The following HK2 variants were observed in gnomAD, a reference collection of about 807,000 sequenced individuals.
The protein encoded by HK2 is hexokinase 2.
In HK2, 42 loss-of-function variants were observed where a neutral mutation model predicts 92.9. That is an observed-to-expected ratio of 0.45 (90% CI 0.35 to 0.58). The LOEUF is 0.58. Ranked by LOEUF, HK2 falls within the 20% of genes least tolerant of loss-of-function variation. The pLI, the probability that HK2 is intolerant of heterozygous loss-of-function variation, is 0.00. For synonymous variants in HK2, 422 were observed against 468.0 expected, an observed-to-expected ratio of 0.90 and a Z score of 1.27; for missense variants, 978 against 1,245.1, an observed-to-expected ratio of 0.79 and a Z score of 3.23.
chr2:74,884,000 C>T (rs1401350417), intron 12 of HK2, among the ~76,000 whole-genome samples: 1 of 152,108 alleles, frequency 6.6e-6, no homozygotes, highest in Admixed American at 6.5e-5. Flanking sequence ...ACATAAAATA[C>T]AATTAATGGG....
chr2:74,872,209 C>A, intron 3 of HK2, 91 bp from the exon 4 acceptor site: 1 of 1,339,912 alleles, frequency 7.5e-7, no homozygotes, highest in Non-Finnish European at 1.1e-6. Context: ...TGCACACATT[C>A]AGCTAGTTAC....
chr2:74,877,385 A>G (rs1324856249), intron 8 of HK2, 64 bp downstream of exon 8: 1 of 1,573,620 alleles, frequency 6.4e-7, no homozygotes, highest in Admixed American at 1.7e-5. Context: ...GTAGTTGGGG[A>G]ATGAGGAGGG....
chr2:74,872,386 C>G lies in HK2; in HGVS notation c.462C>G (p.Phe154Leu). ...AGAAGCTCCCACTGGGTTTTACCTT[C>G]TCGTTCCCCTGCCACCAGACTAAAC... ...KDKKLPLGFTFSFPCHQTKLD... is the reference protein window; with the variant it reads ...KDKKLPLGFTLSFPCHQTKLD... Residue 154 changes from phenylalanine (F) to leucine (L), a missense_variant, in exon 4 of 18, where the codon TTC (phenylalanine) becomes TTG (leucine). Phe to Leu is a conservative substitution (Grantham distance 22, BLOSUM62 0). Around this residue, in one of 3 missense-constraint regions of HK2, gnomAD observed 189 missense variants for 289.5 expected, o/e 0.65. Transcript: ENST00000290573. 1 of 1,614,112 alleles carries G rather than the reference C, an allele frequency of 6.2e-7. No individual in the cohort carries two copies. The highest frequency in any genetic ancestry group is 1.7e-5 in the Admixed American group (1 of 60,022).
In HK2 at chr2:74,889,270, C is replaced by T. The variant is rs1278722920; in HGVS notation, c.2401C>T (p.Arg801Ter). The change falls in exon 17 of 18, where the codon CGA becomes TGA. Residue 801 changes from arginine to a stop codon, truncating the protein, a stop_gained. Transcript: ENST00000290573. LOFTEE classifies it high-confidence loss of function. ...TGACTGCCTGGCCCTGCTGCAAGTC[C>T]GAGCCATCCTGCAACACTTAGGGCT... ...ESDCLALLQV[R>*]AILQHLGLES... is the part of the protein sequence containing the mutation. The T allele has an allele frequency of 6.2e-7, 1 of 1,614,118 alleles. No homozygotes were observed. Among genetic ancestry groups the T allele is most frequent in the Non-Finnish European group, 8.5e-7 (1 of 1,179,988 alleles).
chr2:74,854,506 T>C, intron 2 of HK2, 51 bp downstream of exon 2: 5 of 1,606,440 alleles, frequency 3.1e-6, no homozygotes, highest in Non-Finnish European at 4.3e-6. Flanking sequence ...AGGGGTGATT[T>C]AGTTGGCTTT....
At chr2:74,864,066 C>G (rs1406624070) in intron 2 of HK2, among the ~76,000 whole-genome samples, 1 of 152,178 alleles carries the variant, frequency 6.6e-6, no homozygotes, top group Non-Finnish European at 1.5e-5. Flanking sequence ...CCATCCTGGG[C>G]AAACTGGGAT....
At chr2:74,860,211 G>C (rs534429994) in intron 2 of HK2, among the ~76,000 whole-genome samples, 1 of 144,332 alleles carries the variant, frequency 6.9e-6, no homozygotes, top group South Asian at 2.2e-4. Context: ...AGGGTGGGGG[G>C]TGGTGTGGAT....
chr2:74,873,070 A>T (rs559330907), intron 4 of HK2, among the ~76,000 whole-genome samples: 25 of 152,334 alleles, frequency 1.6e-4, no homozygotes, highest in African/African-American at 6.0e-4. Flanking sequence ...ACTGACTGAA[A>T]CATTGTTATG....
At chr2:74,838,043 G>T (rs1688210190) in intron 1 of HK2, among the ~76,000 whole-genome samples, 1 of 152,138 alleles carries the variant, frequency 6.6e-6, no homozygotes, top group Admixed American at 6.6e-5. Context: ...CAGCTCAAAT[G>T]CAGTTTACTG....
At position 74,880,468 on chromosome 2, in the gene HK2, G is replaced by A; in HGVS notation, c.1469G>A (p.Arg490Lys). ...GACCAGCTGCTGGAGGTCAAGAGGA[G>A]GATGAAGGTAGAAATGGAGCGAGGT... Reference protein sequence around the residue: ...SHDQLLEVKRRMKVEMERGLS... With the variant: ...SHDQLLEVKRKMKVEMERGLS... The change falls in exon 10 of 18, where the codon AGG becomes AAG. Residue 490 changes from arginine to lysine, a missense_variant. Arg to Lys is a conservative substitution (Grantham distance 26). Around this residue, in one of 3 missense-constraint regions of HK2, gnomAD observed 742 missense variants for 922.5 expected, o/e 0.80. Transcript: ENST00000290573. The A allele has an allele frequency of 6.2e-7, 1 of 1,614,230 alleles. No individual in the cohort carries two copies. Among genetic ancestry groups the A allele is most frequent in the Non-Finnish European group, 8.5e-7 (1 of 1,180,036 alleles).
intron 2 of HK2, among the ~76,000 whole-genome samples, chr2:74,855,638 C>CT (rs968417478): frequency 6.6e-6 from 1 of 152,204 alleles, no homozygotes; most frequent in Admixed American, 6.5e-5. Context: ...TGGATTAGGG[C>CT]TAGGTCACTG....
intron 3 of HK2, 51 bp from the exon 4 acceptor site, chr2:74,872,249 C>A: frequency 6.2e-7 from 1 of 1,606,952 alleles, no homozygotes; most frequent in Non-Finnish European, 8.5e-7. Context: ...TGCCCTTAAT[C>A]TCTATGCTGT....
intron 3 of HK2, among the ~76,000 whole-genome samples, chr2:74,868,096 C>T (rs145032244): frequency 9.6e-4 from 146 of 152,292 alleles, no homozygotes; most frequent in Admixed American, 2.2e-3. Flanking sequence ...GATTCGTGGT[C>T]GGCTGTTCCC....
chr2:74,893,005 A>C lies in HK2; in HGVS notation c.*2064A>C, dbSNP rs1345900594. 6.6e-6 allele frequency: 1 copy of C among 151,884 alleles called. No homozygotes were observed. The highest frequency in any genetic ancestry group is 1.5e-5 in the Non-Finnish European group (1 of 68,020). The allele number at this position is 151,884 out of a possible 1,614,324, so 9.4% of individuals were successfully genotyped here. Reference sequence around the variant, plus strand: ...ATTTTAACTTAAATTTTAAGCTTGAAGATTAGGTACTATCTGTGAAGTTAC... The same window carrying C: ...ATTTTAACTTAAATTTTAAGCTTGACGATTAGGTACTATCTGTGAAGTTAC... On this transcript the variant is annotated 3_prime_UTR_variant, in exon 18 of 18. Transcript: ENST00000290573.
At chr2:74,883,829 A>AATAGTGAG (rs1458006819) in intron 12 of HK2, among the ~76,000 whole-genome samples, 1 of 152,260 alleles carries the variant, frequency 6.6e-6, no homozygotes, top group Non-Finnish European at 1.5e-5. Context: ...AAACTTGCTG[A>AATAGTGAG]ATAGTGAGAT....
intron 3 of HK2, among the ~76,000 whole-genome samples, chr2:74,870,491 TC>T (rs1689071441): frequency 6.6e-6 from 1 of 151,532 alleles, no homozygotes; most frequent in Non-Finnish European, 1.5e-5. Context: ...TTTTCCCCCT[TC>T]TAACCCCCAC....
chr2:74,850,770 G>T (rs968680555), intron 1 of HK2, among the ~76,000 whole-genome samples: 18 of 152,196 alleles, frequency 1.2e-4, no homozygotes, highest in African/African-American at 4.3e-4. Context: ...GCTTCCCTTG[G>T]CTACCAACAC....
intron 1 of HK2, among the ~76,000 whole-genome samples, chr2:74,839,951 CTTTTTTTTTTT>C (rs773321768): frequency 1.0e-5 from 1 of 97,032 alleles, no homozygotes; most frequent in Non-Finnish European, 2.1e-5. Context: ...TGCGCCTGGC[CTTTTTTTTTTT>C]TTTTTTTTTT....
Position 74,889,332 on chromosome 2 carries a change from G to T in HK2, c.2463G>T (p.Glu821Asp). The change falls in exon 17 of 18, where the codon GAG (glutamate) becomes GAT (aspartate). Residue 821 changes from glutamate to aspartate, a missense_variant. Transcript: ENST00000290573. The stretch of plus-strand genomic sequence containing the variant: ...GTGACGACAGCATCATTGTTAAGGA[G>T]GTGTGCACTGTGGTGGCCCGGCGGG... Reference protein sequence around the residue: ...STCDDSIIVKEVCTVVARRAA... With the variant: ...STCDDSIIVKDVCTVVARRAA... 1 of 1,614,242 alleles carries T rather than the reference G, an allele frequency of 6.2e-7. No individual in the cohort carries two copies. The highest frequency in any genetic ancestry group is 8.5e-7 in the Non-Finnish European group (1 of 1,180,046).
Sources: allele counts gnomAD v4.1 joint callset (sites outside exome capture counted in the v4.1 genomes callset), GRCh38; gene constraint gnomAD v4.1.1; regional missense constraint gnomAD v4.1.1; transcripts MANE v1.5; gene names NCBI Gene and HGNC (gene_info 2026-07-23, HGNC 2026-07-21).